Variants in FAM163B observed in about 807,000 individuals in gnomAD.
FAM163B encodes family with sequence similarity 163 member B, also known as protein FAM163B.
Under a neutral mutation model 7.6 loss-of-function variants are expected in FAM163B, and 4 were observed. The ratio of observed to expected loss-of-function variants is 0.52; its 90% confidence interval spans 0.26 to 1.20. The LOEUF is 1.20. Ranked by LOEUF, FAM163B falls within the 50% of genes most tolerant of loss-of-function variation. The probability of loss-of-function intolerance (pLI) is 0.14; values close to 1 mark genes in which losing one functional copy is unlikely to be tolerated. For missense variants in FAM163B, 250 were observed against 243.0 expected (o/e 1.03, Z -0.19); for synonymous variants, 120 against 111.6 (o/e 1.07, Z -0.47).
chr9:133,577,361 CG>C lies in FAM163B; in HGVS notation c.*1660del, dbSNP rs1367113522. ...AGGAAGCCAGAGGTGTGGGCGGGCCCGGGGGGCCGGGGCTGCGAGGGACCTC... is the reference window on the plus strand; with the variant it reads ...AGGAAGCCAGAGGTGTGGGCGGGCCCGGGGGCCGGGGCTGCGAGGGACCTC... On this transcript the variant is annotated 3_prime_UTR_variant, in exon 3 of 3. Coordinates refer to ENST00000673969, the MANE Select transcript of FAM163B (RefSeq NM_001080515.3). Among the ~76,000 whole-genome samples the C allele has an allele frequency of 6.6e-6, 1 of 150,890 alleles. No individual in the cohort carries two copies. The highest frequency in any genetic ancestry group is 6.6e-5 in the Admixed American group (1 of 15,212).
At position 133,578,425 on chromosome 9, in the gene FAM163B, C is replaced by G. The variant is rs1050365854; in HGVS notation, c.*597G>C. 7.2e-5 allele frequency: 11 copies of G among 152,294 alleles called. No homozygotes were observed. The highest frequency in any genetic ancestry group is 2.7e-4 in the African/African-American group (11 of 41,442). The allele number at this position is 152,294 out of a possible 1,614,324, so 9.4% of individuals were successfully genotyped here. ...TGGTCCATCTTCAGGGAGCTCAGCACGTGTCTCAGCCTAGGCAGACACTTG... is the reference window on the plus strand; with the variant it reads ...TGGTCCATCTTCAGGGAGCTCAGCAGGTGTCTCAGCCTAGGCAGACACTTG... On this transcript the variant is annotated 3_prime_UTR_variant, in exon 3 of 3. Coordinates refer to ENST00000673969, the MANE Select transcript of FAM163B (RefSeq NM_001080515.3).
At chr9:133,586,249 TCCCAGCTCTATC>T in intron 1 of FAM163B, 1 of 152,280 alleles carries the variant, frequency 6.6e-6, no homozygotes. Context: ...ATGTCTGCCT[TCCCAGCTCTATC>T]CCCAGCTCAG....
At chr9:133,585,696 G>A (rs1355304247) in intron 1 of FAM163B, among the ~76,000 whole-genome samples, 13 of 152,346 alleles carry the variant, frequency 8.5e-5, no homozygotes, top group African/African-American at 2.9e-4. Context: ...CAGACGTCCC[G>A]ACGGCAGTGC....
chr9:133,600,241 C>T lies in FAM163B; in HGVS notation c.-24+8836G>A, dbSNP rs1405505478. 2.2e-5 allele frequency among the ~76,000 whole-genome samples: 3 copies of T among 133,884 alleles called. No individual in the cohort carries two copies. Among genetic ancestry groups the T allele is most frequent in the Non-Finnish European group, 3.2e-5 (2 of 62,544 alleles). 87.8% of individuals were successfully genotyped at this position (133,884 alleles called of 152,430 possible). A position where few individuals can be genotyped will look rare whatever the true frequency, so the allele number is the denominator to read the frequency against. On this transcript the variant is annotated intron_variant, in intron 1 of 2. Transcript: ENST00000673969. This position sits in a 1 kb window ranked among gnomAD's most constrained non-coding sequence, Gnocchi z 4.9. ...TGTGGGGGGGAATGTGGTCTGTGTG[C>T]ATGTGTGTGAGTGTGGTCTGTGTGT...
intron 1 of FAM163B, among the ~76,000 whole-genome samples, chr9:133,581,531 T>C (rs1229694311): frequency 6.6e-6 from 1 of 152,210 alleles, no homozygotes; most frequent in African/African-American, 2.4e-5. Flanking sequence ...CTTTCTCCTG[T>C]CGTCTCTGAA....
intron 1 of FAM163B, among the ~76,000 whole-genome samples, chr9:133,588,610 T>G (rs12376922): frequency 2.6e-5 from 4 of 152,324 alleles, no homozygotes; most frequent in South Asian, 2.1e-4. Context: ...GGATCTAGGA[T>G]GCTGAAGGAT....
intron 1 of FAM163B, among the ~76,000 whole-genome samples, chr9:133,593,750 C>T (rs929508780): frequency 1.3e-5 from 2 of 152,270 alleles, no homozygotes; most frequent in African/African-American, 4.8e-5. Context: ...GGGTCCCTGC[C>T]TCATCCTGGC....
At chr9:133,591,671 G>T (rs1010309435) in intron 1 of FAM163B, among the ~76,000 whole-genome samples, 1 of 152,212 alleles carries the variant, frequency 6.6e-6, no homozygotes, top group Non-Finnish European at 1.5e-5. Flanking sequence ...AGTGCCCAGG[G>T]GATGCTGATG....
In FAM163B at chr9:133,579,459, C is replaced by T. The variant is rs1351746780; in HGVS notation, c.94-30G>A. 16 of 1,535,846 alleles carry T rather than the reference C, an allele frequency of 1.0e-5. No individual in the cohort carries two copies. The East Asian group carries it at 3.3e-4, about 32-fold the overall frequency. On this transcript the variant is annotated intron_variant, in intron 2 of 2. Transcript: ENST00000673969. ...GGGCAGAGGGACGGTGACCATGCGG[C>T]CGCCCGCTCCCACCCCAGAACCGAC...
chr9:133,600,911 TA>T lies in FAM163B; in HGVS notation c.-24+8165del, dbSNP rs1170879481. Among the ~76,000 whole-genome samples, 1 of 152,090 alleles carries T rather than the reference TA, an allele frequency of 6.6e-6. No individual in the cohort carries two copies. The highest frequency in any genetic ancestry group is 1.9e-4 in the East Asian group (1 of 5,192). On this transcript the variant is annotated intron_variant, in intron 1 of 2. Transcript: ENST00000673969. The surrounding 1 kb of genome is among the most constrained non-coding windows in gnomAD (Gnocchi z 4.9). The stretch of plus-strand genomic sequence containing the variant: ...GGCCATTAACTCAACTCTCCCTTGG[TA>T]GGGGGTAGGGGGGGAGCTTCATTGC...
chr9:133,599,057 GC>G (rs895021063), intron 1 of FAM163B, among the ~76,000 whole-genome samples: 7 of 152,074 alleles, frequency 4.6e-5, no homozygotes, highest in African/African-American at 1.7e-4. Flanking sequence ...TTGCACCCCT[GC>G]CCTGGGGGCA....
rs1831267582 is a variant in FAM163B at position 133,577,393 on chromosome 9, C to T, written c.*1629G>A. 2.6e-5 allele frequency among the ~76,000 whole-genome samples: 4 copies of T among 151,506 alleles called. No homozygotes were observed. Among genetic ancestry groups the T allele is most frequent in the East Asian group, 2.0e-4 (1 of 5,078 alleles). ...CCGGGGCTGCGAGGGACCTCAAGGG[C>T]GAATGCCACTGGCCTGTCCAAACGA... is the stretch of plus-strand genomic sequence containing the variant. On this transcript the variant is annotated 3_prime_UTR_variant, in exon 3 of 3. Transcript: ENST00000673969.
At chr9:133,587,330 G>A (rs945312825) in intron 1 of FAM163B, among the ~76,000 whole-genome samples, 3 of 152,190 alleles carry the variant, frequency 2.0e-5, no homozygotes, top group Non-Finnish European at 2.9e-5. Context: ...TGGAGCCAAC[G>A]CCAAGGCTGT....
rs560868117 is a variant in FAM163B, at chr9:133,578,820, C to A, written c.*202G>T. The A allele has an allele frequency of 1.8e-3, 1,883 of 1,022,800 alleles. 25 individuals carry two copies. In the African/African-American group the frequency reaches 0.027, roughly 15 times the overall value. The allele number at this position is 1,022,800 out of a possible 1,614,324, so 63.4% of individuals were successfully genotyped here. ...AGCCCCAGGCCCCAGCTGTGCCTCC[C>A]CCCAGGACACATTTGTGTTCAATGA... On this transcript the variant is annotated 3_prime_UTR_variant, in exon 3 of 3. Coordinates refer to ENST00000673969, the MANE Select transcript of FAM163B (RefSeq NM_001080515.3).
rs898892655 is a variant in FAM163B, at chr9:133,609,333, G to T, written c.-280C>A. 6.7e-6 allele frequency among the ~76,000 whole-genome samples: 1 copy of T among 149,588 alleles called. No individual in the cohort carries two copies. The highest frequency in any genetic ancestry group is 2.1e-4 in the South Asian group (1 of 4,824). ...GCCGCGACTCCGGACGCCCCGGCTG[G>T]CTCCCTGCGAGCTGCACGCGCGGCT... On this transcript the variant is annotated 5_prime_UTR_variant, in exon 1 of 3. Coordinates refer to ENST00000673969, the MANE Select transcript of FAM163B (RefSeq NM_001080515.3).
chr9:133,588,653 A>ATCTAGTGTGTTAAGGG (rs1318817356), intron 1 of FAM163B, among the ~76,000 whole-genome samples: 7 of 87,274 alleles, frequency 8.0e-5, no homozygotes, highest in African/African-American at 9.3e-5. Context: ...AGGTTGAAGG[A>ATCTAGTGTGTTAAGGG]TCTAGCATGC....
chr9:133,588,566 G>C (rs371283033), intron 1 of FAM163B, among the ~76,000 whole-genome samples: 1 of 794 alleles, frequency 1.3e-3, no homozygotes, highest in Non-Finnish European at 6.4e-3. Flanking sequence ...AGCATGTTGA[G>C]GGATTAGCAT....
At chr9:133,580,289 C>G (rs1249453201) in intron 1 of FAM163B, 43 bp from the exon 2 acceptor site, 1 of 1,414,128 alleles carries the variant, frequency 7.1e-7, no homozygotes. Context: ...CGCTTCCTCA[C>G]CACAAAAGTC....
chr9:133,601,115 A>G lies in FAM163B; in HGVS notation c.-24+7962T>C, dbSNP rs1831723971. Among the ~76,000 whole-genome samples, 1 of 151,080 alleles carries G rather than the reference A, an allele frequency of 6.6e-6. No individual in the cohort carries two copies. On this transcript the variant is annotated intron_variant, in intron 1 of 2. Coordinates refer to ENST00000673969, the MANE Select transcript of FAM163B (RefSeq NM_001080515.3). The surrounding 1 kb of genome is among the most constrained non-coding windows in gnomAD (Gnocchi z 4.1). Reference sequence around the variant, plus strand: ...GCTGACAACCCTTCTTCCATCCCTCACTCTACTCACTCCTCCTGGAGCCCT... The same window carrying G: ...GCTGACAACCCTTCTTCCATCCCTCGCTCTACTCACTCCTCCTGGAGCCCT...
Sources: gnomAD v4.1 joint callset for allele counts (sites outside exome capture counted in the v4.1 genomes callset) on GRCh38, gnomAD v4.1.1 for gene constraint, Gnocchi (gnomAD v3.1) non-coding constraint, MANE v1.5 for transcripts, NCBI Gene and HGNC (gene_info 2026-07-23, HGNC 2026-07-21) for gene names.